RETREG1: variants seen among roughly 807,000 people sequenced by gnomAD.
RETREG1 encodes the protein reticulophagy regulator 1.
Under a neutral mutation model 54.8 loss-of-function variants are expected in RETREG1, and 44 were observed. The observed-to-expected ratio is 0.80, with a 90% CI of 0.63 to 1.03. The LOEUF (loss-of-function observed/expected upper bound fraction) is 1.03. RETREG1 is among the 50% of genes least tolerant of loss of function. The probability of loss-of-function intolerance (pLI) is 0.00; values close to 1 mark genes in which losing one functional copy is unlikely to be tolerated. For missense variants in RETREG1, 554 were observed against 605.1 expected (o/e 0.92, Z 0.89); for synonymous variants, 217 against 238.5 (o/e 0.91, Z 0.83).
At position 16,481,680 on chromosome 5, in the gene RETREG1, C is replaced by G. The variant is rs546923996; in HGVS notation, c.586-587G>C. 7.9e-5 allele frequency among the ~76,000 whole-genome samples: 12 copies of G among 152,148 alleles called. No homozygotes were observed. In the South Asian group the frequency reaches 2.5e-3, roughly 32 times the overall value. On this transcript the variant is annotated intron_variant, in intron 4 of 8. Transcript: ENST00000306320. ...ATATATACTGCTCAAACTGACCCCA[C>G]TTCTAAGTCACCTAGAAAAAAACTG... is the stretch of plus-strand genomic sequence containing the variant.
At chr5:16,480,918 C>T (rs1440774185) in intron 5 of RETREG1, 91 bp downstream of exon 5, 1 of 832,744 alleles carries the variant, frequency 1.2e-6, no homozygotes, top group Non-Finnish European at 2.1e-6. Context: ...TAGTTAAGAA[C>T]TCATCCCCCC....
At chr5:16,548,990 A>C (rs1741460775) in intron 3 of RETREG1, among the ~76,000 whole-genome samples, 1 of 152,242 alleles carries the variant, frequency 6.6e-6, no homozygotes, top group Non-Finnish European at 1.5e-5. Context: ...AGTGTCACTG[A>C]CACAGTAGCA....
chr5:16,482,360 GA>G (rs1246553613), intron 4 of RETREG1, among the ~76,000 whole-genome samples: 1 of 151,600 alleles, frequency 6.6e-6, no homozygotes, highest in Non-Finnish European at 1.5e-5. Context: ...GCAGAAGTTT[GA>G]AGTTTAGAAT....
chr5:16,579,780 C>A (rs534845446), intron 1 of RETREG1, among the ~76,000 whole-genome samples: 1 of 152,082 alleles, frequency 6.6e-6, no homozygotes, highest in Non-Finnish European at 1.5e-5. Flanking sequence ...GTTTTTGTGG[C>A]GTGATAGTAC....
intron 3 of RETREG1, among the ~76,000 whole-genome samples, chr5:16,510,823 A>G (rs1295771141): frequency 6.7e-6 from 1 of 149,664 alleles, no homozygotes. Flanking sequence ...AACAACAAAA[A>G]AAAAAAAAAA....
At chr5:16,606,229 G>A (rs970384745) in intron 1 of RETREG1, among the ~76,000 whole-genome samples, 32 of 152,240 alleles carry the variant, frequency 2.1e-4, no homozygotes, top group African/African-American at 7.7e-4. Context: ...GTCAAGTACT[G>A]GATGACATTC....
intron 3 of RETREG1, among the ~76,000 whole-genome samples, chr5:16,522,680 C>A (rs1035125167): frequency 1.3e-5 from 2 of 152,132 alleles, no homozygotes. Flanking sequence ...TGGACATACA[C>A]AAACTTGTTT....
intron 3 of RETREG1, 147 bp from the exon 4 acceptor site, chr5:16,483,619 C>G (rs1738900989): frequency 1.3e-6 from 1 of 757,904 alleles, no homozygotes; most frequent in East Asian, 2.7e-5. Flanking sequence ...TATCCAGACA[C>G]CTGCTTCAGG....
At chr5:16,523,661 T>G (rs1221177975) in intron 3 of RETREG1, among the ~76,000 whole-genome samples, 1 of 152,080 alleles carries the variant, frequency 6.6e-6, no homozygotes, top group African/African-American at 2.4e-5. Flanking sequence ...CTAAATCCAA[T>G]CCACGCTCAA....
At chr5:16,481,147 G>A (rs373896313) in intron 4 of RETREG1, 54 bp from the exon 5 acceptor site, 80 of 1,233,472 alleles carry the variant, frequency 6.5e-5, no homozygotes, top group African/African-American at 3.3e-4. Context: ...AAGATATTTC[G>A]GAGCACAGGA....
At chr5:16,560,706 G>A (rs529824877) in intron 3 of RETREG1, among the ~76,000 whole-genome samples, 1 of 152,192 alleles carries the variant, frequency 6.6e-6, no homozygotes, top group Non-Finnish European at 1.5e-5. Context: ...GAGCAAAAGA[G>A]CACCTCTGTC....
At chr5:16,576,284 TTTTC>T (rs1263222058) in intron 1 of RETREG1, among the ~76,000 whole-genome samples, 1 of 143,992 alleles carries the variant, frequency 6.9e-6, no homozygotes, top group Non-Finnish European at 1.5e-5. Context: ...AAACAAGATT[TTTTC>T]TTTTTCTTTT....
intron 3 of RETREG1, among the ~76,000 whole-genome samples, chr5:16,515,349 A>G (rs1740315085): frequency 6.6e-6 from 1 of 152,230 alleles, no homozygotes; most frequent in Non-Finnish European, 1.5e-5. Flanking sequence ...TTAAAGAAAC[A>G]TAATAAATAC....
intron 1 of RETREG1, among the ~76,000 whole-genome samples, chr5:16,604,335 G>C (rs1330135542): frequency 6.6e-6 from 1 of 152,026 alleles, no homozygotes; most frequent in Non-Finnish European, 1.5e-5. Context: ...CTGCCAAATG[G>C]GGCAATGATA....
chr5:16,615,023 T>G (rs963855409), intron 1 of RETREG1, among the ~76,000 whole-genome samples: 2 of 152,246 alleles, frequency 1.3e-5, no homozygotes, highest in African/African-American at 4.8e-5. Context: ...ATTTTCAAAA[T>G]GCTTACCCTT....
intron 3 of RETREG1, among the ~76,000 whole-genome samples, chr5:16,511,666 A>G (rs1337473052): frequency 6.6e-6 from 1 of 152,168 alleles, no homozygotes; most frequent in Non-Finnish European, 1.5e-5. Flanking sequence ...CTATAAAGAA[A>G]TACCTAAGAC....
At position 16,595,836 on chromosome 5, in the gene RETREG1, G is replaced by A. The variant is rs148377268; in HGVS notation, c.320+20816C>T. 2.0e-3 allele frequency among the ~76,000 whole-genome samples: 302 copies of A among 152,266 alleles called. 1 individual carries two copies. The highest frequency in any genetic ancestry group is 6.6e-3 in the African/African-American group (273 of 41,530). On this transcript the variant is annotated intron_variant, in intron 1 of 8. Coordinates refer to ENST00000306320, the MANE Select transcript of RETREG1 (RefSeq NM_001034850.3). ...CTAAGAGCTTTTTAGGGTCCTGGAA[G>A]ATTACGAGGAGATCTGTCAATACTC...
chr5:16,571,445 A>C (rs1225732963), intron 2 of RETREG1, among the ~76,000 whole-genome samples: 2 of 152,240 alleles, frequency 1.3e-5, no homozygotes, highest in African/African-American at 2.4e-5. Flanking sequence ...CCAAGTATGC[A>C]AAAGACTTGA....
At chr5:16,488,055 G>A (rs569827738) in intron 3 of RETREG1, among the ~76,000 whole-genome samples, 1 of 152,288 alleles carries the variant, frequency 6.6e-6, no homozygotes, top group East Asian at 1.9e-4. Flanking sequence ...GTGAGGCTCA[G>A]AAATCTGCAT....
Sources: gnomAD v4.1 joint callset for allele counts (sites outside exome capture counted in the v4.1 genomes callset) on GRCh38, gnomAD v4.1.1 for gene constraint, MANE v1.5 for transcripts, NCBI Gene and HGNC (gene_info 2026-07-23, HGNC 2026-07-21) for gene names.